CDC42SE2: variants seen among roughly 807,000 people sequenced by gnomAD.
CDC42SE2 encodes the protein CDC42 small effector 2.
CDC42SE2 carries 3 observed loss-of-function variants against 11.5 expected under a neutral mutation model. The ratio of observed to expected loss-of-function variants is 0.26; its 90% confidence interval spans 0.12 to 0.67. The LOEUF is 0.67. CDC42SE2 is among the 30% of genes least tolerant of loss of function. CDC42SE2 has a pLI of 0.80. For missense variants in CDC42SE2, 82 were observed against 106.8 expected (o/e 0.77, Z 1.02); for synonymous variants, 33 against 34.8 (o/e 0.95, Z 0.18).
At chr5:131,360,730 G>A (rs1238545865) in intron 3 of CDC42SE2, among the ~76,000 whole-genome samples, 1 of 152,052 alleles carries the variant, frequency 6.6e-6, no homozygotes, top group Non-Finnish European at 1.5e-5. Context: ...ATTTATATTT[G>A]TAACAACGTA....
chr5:131,309,980 T>A (rs980448190), intron 1 of CDC42SE2, among the ~76,000 whole-genome samples: 1 of 152,078 alleles, frequency 6.6e-6, no homozygotes, highest in South Asian at 2.1e-4. Context: ...ATTTCTTGCC[T>A]TCTTCTAGCT....
chr5:131,344,422 C>A (rs1377128142), intron 2 of CDC42SE2, among the ~76,000 whole-genome samples: 1 of 152,194 alleles, frequency 6.6e-6, no homozygotes, highest in African/African-American at 2.4e-5. Context: ...AGTCTGAGAT[C>A]GAACTGCAAG....
At chr5:131,213,327 G>A in the CDC42SE2 span, among the ~76,000 whole-genome samples, 2 of 152,132 alleles carry the variant, frequency 1.3e-5, no homozygotes. Context: ...AAATATTGGA[G>A]GAAATTAAAA....
the CDC42SE2 span, among the ~76,000 whole-genome samples, chr5:131,220,946 G>A: frequency 2.0e-5 from 3 of 149,894 alleles, no homozygotes; most frequent in African/African-American, 4.9e-5. Flanking sequence ...GTGCGGTGGC[G>A]CGATCTTGGC....
At chr5:131,246,663 T>G (rs1756585463) in intron 1 of CDC42SE2, among the ~76,000 whole-genome samples, 1 of 152,158 alleles carries the variant, frequency 6.6e-6, no homozygotes, top group Non-Finnish European at 1.5e-5. Context: ...GATGGTTCTT[T>G]TTCAGGGTGG....
chr5:131,304,514 T>G (rs181921409), intron 1 of CDC42SE2, among the ~76,000 whole-genome samples: 116 of 152,298 alleles, frequency 7.6e-4, no homozygotes, highest in African/African-American at 2.6e-3. Context: ...TGACACTCAT[T>G]GAATGATTAT....
intron 2 of CDC42SE2, among the ~76,000 whole-genome samples, chr5:131,322,120 G>A (rs1424675355): frequency 6.6e-6 from 1 of 152,152 alleles, no homozygotes; most frequent in African/African-American, 2.4e-5. Flanking sequence ...AAAGTGCTGG[G>A]ATTACAGGCA....
intron 3 of CDC42SE2, among the ~76,000 whole-genome samples, chr5:131,368,942 T>C (rs1358917630): frequency 1.3e-5 from 2 of 152,254 alleles, no homozygotes; most frequent in Admixed American, 6.5e-5. Flanking sequence ...ATAAAAGTTA[T>C]GAAACAAATA....
chr5:131,290,397 AG>A (rs2149708590), intron 1 of CDC42SE2, among the ~76,000 whole-genome samples: 1 of 151,960 alleles, frequency 6.6e-6, no homozygotes, highest in South Asian at 2.1e-4. Context: ...TATCTTTTGA[AG>A]TAAATTATTT....
intron 3 of CDC42SE2, among the ~76,000 whole-genome samples, chr5:131,383,476 G>GTGT (rs1167654954): frequency 6.6e-6 from 1 of 152,074 alleles, no homozygotes; most frequent in African/African-American, 2.4e-5. Flanking sequence ...TTGTTCCCTA[G>GTGT]TGTTATAGAC....
chr5:131,233,279 T>G, the CDC42SE2 span, among the ~76,000 whole-genome samples: 1 of 152,186 alleles, frequency 6.6e-6, no homozygotes, highest in East Asian at 1.9e-4. Context: ...GTTTTAAAAT[T>G]CTTAAAATGG....
intron 1 of CDC42SE2, among the ~76,000 whole-genome samples, chr5:131,291,244 T>TA (rs1367078868): frequency 3.4e-4 from 51 of 152,182 alleles, no homozygotes; most frequent in African/African-American, 1.1e-3. Flanking sequence ...ATTTTTTTTT[T>TA]AAAAAAGGAC....
the CDC42SE2 span, among the ~76,000 whole-genome samples, chr5:131,218,225 G>T: frequency 5.4e-5 from 8 of 148,970 alleles, no homozygotes; most frequent in Admixed American, 2.7e-4. Flanking sequence ...AAAGAAAAAT[G>T]AGCATAAGAC....
At chr5:131,251,760 T>G (rs775402996) in intron 1 of CDC42SE2, among the ~76,000 whole-genome samples, 1 of 152,140 alleles carries the variant, frequency 6.6e-6, no homozygotes, top group Non-Finnish European at 1.5e-5. Context: ...GTGCCTGTAA[T>G]TGCGGAATTT....
rs35818778 is a variant in CDC42SE2, at chr5:131,342,388, C to CTT, written c.-285-16803_-285-16802dup. On this transcript the variant is annotated intron_variant, in intron 2 of 4. Coordinates refer to ENST00000505065, the MANE Select transcript of CDC42SE2 (RefSeq NM_001375635.1). ...TCAGAGATTTGCCATTTTTAATAGT[C>CTT]TTTTTTTTTTTTTTTTTTTAAGATA... 4.9e-3 allele frequency among the ~76,000 whole-genome samples: 543 copies of CTT among 111,286 alleles called. 39 individuals carry two copies. Among genetic ancestry groups the CTT allele is most frequent in the African/African-American group, 0.019 (418 of 22,558 alleles). 73.0% of individuals were successfully genotyped at this position (111,286 alleles called of 152,430 possible). A position where few individuals can be genotyped will look rare whatever the true frequency, so the allele number is the denominator to read the frequency against.
intron 2 of CDC42SE2, among the ~76,000 whole-genome samples, chr5:131,353,018 C>G (rs1749394275): frequency 1.3e-5 from 2 of 152,044 alleles, no homozygotes; most frequent in African/African-American, 2.4e-5. Context: ...CCAGGCTTTA[C>G]TGCAGTGGCG....
intron 2 of CDC42SE2, among the ~76,000 whole-genome samples, chr5:131,334,957 T>C (rs1758518594): frequency 6.6e-6 from 1 of 152,246 alleles, no homozygotes; most frequent in African/African-American, 2.4e-5. Context: ...TTTTTGTGTC[T>C]TTGTTTCCTT....
intron 1 of CDC42SE2, among the ~76,000 whole-genome samples, chr5:131,313,422 G>A (rs555833618): frequency 6.6e-6 from 1 of 152,218 alleles, no homozygotes; most frequent in South Asian, 2.1e-4. Context: ...TTGTGCTTTT[G>A]TGTTTTAGTT....
intron 2 of CDC42SE2, among the ~76,000 whole-genome samples, chr5:131,324,014 C>G (rs1296974026): frequency 6.6e-6 from 1 of 152,070 alleles, no homozygotes; most frequent in Non-Finnish European, 1.5e-5. Flanking sequence ...GAGTGTTCTA[C>G]AACAAAATTA....
Sources: allele counts gnomAD v4.1 joint callset (sites outside exome capture counted in the v4.1 genomes callset), GRCh38; gene constraint gnomAD v4.1.1; transcripts MANE v1.5; gene names NCBI Gene and HGNC (gene_info 2026-07-23, HGNC 2026-07-21).